The following ZNF385D variants were observed in gnomAD, a reference collection of about 807,000 sequenced individuals.
ZNF385D encodes the protein zinc finger protein 385D, also known as zinc finger protein 659.
ZNF385D carries 15 observed loss-of-function variants against 35.8 expected under a neutral mutation model. That is an observed-to-expected ratio of 0.42 (90% CI 0.28 to 0.64). ZNF385D has a LOEUF of 0.64. Among genes scored for constraint, ZNF385D ranks in the 30% least tolerant of loss-of-function variants. The probability of loss-of-function intolerance (pLI) is 0.23; values close to 1 mark genes in which losing one functional copy is unlikely to be tolerated. For synonymous variants in ZNF385D, 212 were observed against 186.8 expected, an observed-to-expected ratio of 1.13 and a Z score of -1.10; for missense variants, 474 against 494.6, an observed-to-expected ratio of 0.96 and a Z score of 0.39.
intron 3 of ZNF385D, among the ~76,000 whole-genome samples, chr3:22,144,219 G>C (rs920531729): frequency 1.2e-4 from 18 of 152,036 alleles, no homozygotes; most frequent in African/African-American, 4.3e-4. Flanking sequence ...CAAAAATAGA[G>C]ACAACATTTA....
Position 21,419,265 on chromosome 3 carries a change from T to G in ZNF385D, c.*1949A>C, listed in dbSNP as rs1321549855. The G allele has an allele frequency of 6.5e-6, 1 of 152,814 alleles. No homozygotes were observed. The highest frequency in any genetic ancestry group is 1.5e-5 in the Non-Finnish European group (1 of 68,208). The allele number at this position is 152,814 out of a possible 1,614,324, so 9.5% of individuals were successfully genotyped here. A position where few individuals can be genotyped will look rare whatever the true frequency, so the allele number is the denominator to read the frequency against. On this transcript the variant is annotated 3_prime_UTR_variant, in exon 8 of 8. Transcript: ENST00000281523. ...TCTTTTTTTTTGTTTTTGTTTTGGTTGGTTAACAAAGGATATATAAAGCCA... is the reference window on the plus strand; with the variant it reads ...TCTTTTTTTTTGTTTTTGTTTTGGTGGGTTAACAAAGGATATATAAAGCCA...
chr3:21,441,676 C>T (rs1307977113), intron 4 of ZNF385D: 2 of 985,122 alleles, frequency 2.0e-6, no homozygotes, highest in Non-Finnish European at 2.4e-6. Context: ...ACCTATAGCT[C>T]TCAACTAACC....
chr3:22,089,413 C>A (rs545573788), intron 3 of ZNF385D, among the ~76,000 whole-genome samples: 1 of 152,258 alleles, frequency 6.6e-6, no homozygotes, highest in South Asian at 2.1e-4. Context: ...TAAAAGGACG[C>A]TGGAGGAAGA....
At chr3:21,549,252 G>A (rs947167300) in intron 3 of ZNF385D, among the ~76,000 whole-genome samples, 1 of 152,204 alleles carries the variant, frequency 6.6e-6, no homozygotes, top group Non-Finnish European at 1.5e-5. Flanking sequence ...ATCAAAGCCT[G>A]ATTCGAAGAG....
At chr3:22,145,809 T>C (rs1704813813) in intron 3 of ZNF385D, among the ~76,000 whole-genome samples, 1 of 152,114 alleles carries the variant, frequency 6.6e-6, no homozygotes, top group Non-Finnish European at 1.5e-5. Context: ...GGTTTCCCCA[T>C]CAAAGAGCTC....
At chr3:21,674,115 G>C (rs1457676441) in intron 1 of ZNF385D, among the ~76,000 whole-genome samples, 1 of 152,138 alleles carries the variant, frequency 6.6e-6, no homozygotes, top group Non-Finnish European at 1.5e-5. Flanking sequence ...GGGCAAAAGG[G>C]AGAGACTGTT....
chr3:21,447,977 C>T (rs1158312731), intron 4 of ZNF385D, among the ~76,000 whole-genome samples: 2 of 152,052 alleles, frequency 1.3e-5, no homozygotes, highest in African/African-American at 2.4e-5. Context: ...GAACATTATC[C>T]CATCTGGACT....
intron 1 of ZNF385D, among the ~76,000 whole-genome samples, chr3:21,715,634 G>A (rs192222226): frequency 3.9e-5 from 6 of 151,994 alleles, no homozygotes; most frequent in Non-Finnish European, 8.8e-5. Flanking sequence ...GGGATTGCTG[G>A]ATTGAATGGT....
chr3:22,043,731 C>G (rs1279453838), intron 3 of ZNF385D, among the ~76,000 whole-genome samples: 2 of 151,376 alleles, frequency 1.3e-5, no homozygotes, highest in Admixed American at 1.3e-4. Context: ...GTGGCTGGAC[C>G]TAGAGATTTG....
intron 2 of ZNF385D, among the ~76,000 whole-genome samples, chr3:21,636,081 G>A (rs1255971918): frequency 1.3e-5 from 2 of 151,774 alleles, no homozygotes; most frequent in Non-Finnish European, 2.9e-5. Context: ...ACCCAGTCAT[G>A]GATTGCTGAA....
chr3:22,335,084 G>A (rs1461768781), intron 2 of ZNF385D, among the ~76,000 whole-genome samples: 1 of 152,124 alleles, frequency 6.6e-6, no homozygotes, highest in Admixed American at 6.5e-5. Context: ...TGCTTTCATT[G>A]AGTATTATAT....
intron 3 of ZNF385D, among the ~76,000 whole-genome samples, chr3:21,810,994 G>GTATATATATATA (rs1426874955): frequency 1.8e-5 from 2 of 108,508 alleles, no homozygotes; most frequent in Non-Finnish European, 4.0e-5. Flanking sequence ...GTGTGTGTGT[G>GTATATATATATA]TGTGTATATA....
intron 3 of ZNF385D, among the ~76,000 whole-genome samples, chr3:21,533,288 C>T (rs1031748548): frequency 5.3e-5 from 8 of 151,974 alleles, no homozygotes; most frequent in South Asian, 4.4e-4. Context: ...ACACAAGAAA[C>T]GTTTCCCCAC....
intron 2 of ZNF385D, among the ~76,000 whole-genome samples, chr3:21,642,986 A>C (rs1360237035): frequency 2.6e-5 from 4 of 152,228 alleles, no homozygotes; most frequent in Middle Eastern, 6.8e-3. Flanking sequence ...GAAGATGAAA[A>C]ATTTCTGAAG....
chr3:21,620,556 T>C (rs754151780), intron 2 of ZNF385D, among the ~76,000 whole-genome samples: 3 of 152,180 alleles, frequency 2.0e-5, no homozygotes, highest in African/African-American at 7.2e-5. Flanking sequence ...AGGGCATTTT[T>C]CCTTTAGCAC....
rs527241943 is a variant in ZNF385D at position 22,142,233 on chromosome 3, T to C, written c.325+26584A>G. 3.3e-5 allele frequency among the ~76,000 whole-genome samples: 5 copies of C among 152,350 alleles called. No individual in the cohort carries two copies. In the East Asian group the frequency reaches 7.7e-4, roughly 23 times the overall value. ...GTTCTTTACTAGTGTTTTTACTATG[T>C]GTTTTTAACTAAAAAAAATTTCTTT... is the stretch of plus-strand genomic sequence containing the variant. On this transcript the variant is annotated intron_variant, in intron 3 of 5. Transcript: ENST00000494108.
At chr3:21,737,595 T>TG (rs550319181) in intron 1 of ZNF385D, among the ~76,000 whole-genome samples, 43 of 152,124 alleles carry the variant, frequency 2.8e-4, no homozygotes, top group African/African-American at 9.6e-4. Flanking sequence ...TGGTGGTTGG[T>TG]GGGGGGGATT....
At chr3:21,522,673 T>C (rs1052948289) in intron 3 of ZNF385D, among the ~76,000 whole-genome samples, 6 of 152,098 alleles carry the variant, frequency 3.9e-5, no homozygotes, top group African/African-American at 1.4e-4. Flanking sequence ...ACGAAGTGGT[T>C]TGGGGACTAG....
At chr3:21,572,872 G>C (rs1260309960) in intron 2 of ZNF385D, among the ~76,000 whole-genome samples, 2 of 152,134 alleles carry the variant, frequency 1.3e-5, no homozygotes, top group African/African-American at 2.4e-5. Flanking sequence ...TGGGTACTTA[G>C]ATACATGAGG....
Sources: allele counts gnomAD v4.1 joint callset (sites outside exome capture counted in the v4.1 genomes callset), GRCh38; gene constraint gnomAD v4.1.1; transcripts MANE v1.5; gene names NCBI Gene and HGNC (gene_info 2026-07-23, HGNC 2026-07-21).